The following CNTNAP5 variants were observed in gnomAD, a reference collection of about 807,000 sequenced individuals.
CNTNAP5 encodes the protein contactin-associated protein-like 5.
In CNTNAP5, 72 loss-of-function variants were observed where a neutral mutation model predicts 150.2. The ratio of observed to expected loss-of-function variants is 0.48; its 90% CI spans 0.40 to 0.58. The LOEUF (loss-of-function observed/expected upper bound fraction) is 0.58, where lower values mean the gene tolerates loss of function less well. Among genes scored for constraint, CNTNAP5 ranks in the 20% least tolerant of loss-of-function variants. The pLI is 0.00. For synonymous variants in CNTNAP5, 672 were observed against 619.8 expected (o/e 1.08, Z -1.25); for missense variants, 1,636 against 1,626.2 (o/e 1.01, Z -0.10).
chr2:124,739,970 T>C (rs2105136671), intron 13 of CNTNAP5, among the ~76,000 whole-genome samples: 1 of 152,010 alleles, frequency 6.6e-6, no homozygotes, highest in African/African-American at 2.4e-5. Flanking sequence ...AAAAGTTCAT[T>C]AAAGTTTATA....
chr2:124,040,192 G>T (rs1022811783), intron 1 of CNTNAP5, among the ~76,000 whole-genome samples: 1 of 152,092 alleles, frequency 6.6e-6, no homozygotes, highest in Non-Finnish European at 1.5e-5. Flanking sequence ...ATTTACTGTG[G>T]TTATTTTTAT....
In CNTNAP5 at chr2:124,798,252, C is replaced by T. The variant is rs1013744165; in HGVS notation, c.3149C>T (p.Ala1050Val). Reference sequence around the variant, plus strand: ...GCACTTAGCTTTGTGACAACCCAGGCACCCAGTCTTTTGCTCTTTATCAAT... The same window carrying T: ...GCACTTAGCTTTGTGACAACCCAGGTACCCAGTCTTTTGCTCTTTATCAAT... Reference protein sequence around the residue: ...NIALSFVTTQAPSLLLFINSS... With the variant: ...NIALSFVTTQVPSLLLFINSS... Residue 1050 changes from alanine (A) to valine (V), a missense_variant, in exon 19 of 24, where the codon GCA (alanine) becomes GTA (valine). Physicochemically the swap from Ala to Val is moderately conservative, Grantham distance 64. Transcript: ENST00000682447. 6.2e-7 allele frequency: 1 copy of T among 1,613,944 alleles called. No individual in the cohort carries two copies. The highest frequency in any genetic ancestry group is 8.5e-7 in the Non-Finnish European group (1 of 1,179,818).
intron 6 of CNTNAP5, among the ~76,000 whole-genome samples, chr2:124,453,981 A>T (rs1168879367): frequency 6.6e-6 from 1 of 152,186 alleles, no homozygotes; most frequent in Non-Finnish European, 1.5e-5. Flanking sequence ...TACAATTGAA[A>T]AAACAAAAAC....
chr2:124,033,245 GA>G (rs1681113436), intron 1 of CNTNAP5, among the ~76,000 whole-genome samples: 2 of 152,196 alleles, frequency 1.3e-5, no homozygotes, highest in South Asian at 4.1e-4. Flanking sequence ...GAAAGAAAGT[GA>G]AGGGAAATGC....
In CNTNAP5 at chr2:124,565,894, C is replaced by T. The variant is rs1291846366; in HGVS notation, c.1756+2571C>T. Among the ~76,000 whole-genome samples, 6 of 151,336 alleles carry T rather than the reference C, an allele frequency of 4.0e-5. No homozygotes were observed. In the South Asian group the frequency reaches 6.2e-4, roughly 16 times the overall value. On this transcript the variant is annotated intron_variant, in intron 11 of 23. Transcript: ENST00000682447. ...GATTACAGGCGTGAGCCACCACGCC[C>T]GGCCTTTACCTAGTTCTTCTATGTG... is the stretch of plus-strand genomic sequence containing the variant.
chr2:124,817,518 G>T (rs1302385533), intron 19 of CNTNAP5, among the ~76,000 whole-genome samples: 2 of 152,064 alleles, frequency 1.3e-5, no homozygotes, highest in Admixed American at 6.6e-5. Flanking sequence ...CCATGAGGTT[G>T]GTCTTGATGA....
chr2:124,426,998 C>A (rs1401921969), intron 4 of CNTNAP5, among the ~76,000 whole-genome samples: 1 of 152,024 alleles, frequency 6.6e-6, no homozygotes, highest in Non-Finnish European at 1.5e-5. Flanking sequence ...AGAAGACTGC[C>A]AATGTATCAG....
At chr2:124,149,895 C>T (rs1254996704) in intron 1 of CNTNAP5, among the ~76,000 whole-genome samples, 1 of 152,220 alleles carries the variant, frequency 6.6e-6, no homozygotes, top group Non-Finnish European at 1.5e-5. Flanking sequence ...CCCTCTCAGA[C>T]CATTCCTGAT....
At chr2:124,424,120 G>T (rs190075057) in intron 4 of CNTNAP5, among the ~76,000 whole-genome samples, 49 of 152,230 alleles carry the variant, frequency 3.2e-4, no homozygotes, top group Admixed American at 2.6e-3. Flanking sequence ...ACTCGCAAGT[G>T]GTATCATCCA....
chr2:124,058,957 C>T (rs1045426892), intron 1 of CNTNAP5, among the ~76,000 whole-genome samples: 1 of 152,132 alleles, frequency 6.6e-6, no homozygotes, highest in Non-Finnish European at 1.5e-5. Context: ...TTAAAGTAAG[C>T]TATTGTATCA....
intron 4 of CNTNAP5, among the ~76,000 whole-genome samples, chr2:124,429,240 A>G (rs1298178350): frequency 2.0e-5 from 3 of 152,102 alleles, no homozygotes; most frequent in African/African-American, 7.2e-5. Flanking sequence ...CTTGAAACTC[A>G]TCCTGTTTTT....
chr2:124,509,425 C>T (rs1694501485), intron 8 of CNTNAP5, among the ~76,000 whole-genome samples: 1 of 152,012 alleles, frequency 6.6e-6, no homozygotes, highest in African/African-American at 2.4e-5. Flanking sequence ...AGGTAGAAGA[C>T]CTCATTTCAC....
At chr2:124,414,193 T>G (rs1303668202) in intron 3 of CNTNAP5, among the ~76,000 whole-genome samples, 2 of 151,788 alleles carry the variant, frequency 1.3e-5, no homozygotes, top group African/African-American at 4.8e-5. Context: ...ACAACTGAGA[T>G]GGCTTTGAAT....
At chr2:124,100,864 C>CAAAAAAAAAAA (rs60441145) in intron 1 of CNTNAP5, among the ~76,000 whole-genome samples, 1 of 88,046 alleles carries the variant, frequency 1.1e-5, no homozygotes, top group Admixed American at 1.3e-4. Context: ...GACTCTGTCT[C>CAAAAAAAAAAA]AAAAAAAAAA....
At chr2:124,515,356 A>G (rs1344298434) in intron 8 of CNTNAP5, among the ~76,000 whole-genome samples, 1 of 152,210 alleles carries the variant, frequency 6.6e-6, no homozygotes. Context: ...GGAAGAGGAG[A>G]CTAACATGGA....
chr2:124,347,008 A>G (rs770241296), intron 3 of CNTNAP5, among the ~76,000 whole-genome samples: 10 of 151,898 alleles, frequency 6.6e-5, no homozygotes, highest in Middle Eastern at 3.4e-3. Context: ...AGAACCCTTG[A>G]ACCCCAGAGG....
At chr2:124,129,235 C>G (rs1279698611) in intron 1 of CNTNAP5, among the ~76,000 whole-genome samples, 2 of 151,974 alleles carry the variant, frequency 1.3e-5, no homozygotes, top group Non-Finnish European at 1.5e-5. Flanking sequence ...AAGTTATAAG[C>G]ATATTACTTA....
chr2:124,294,227 C>T (rs372139385), intron 3 of CNTNAP5, among the ~76,000 whole-genome samples: 2 of 79,330 alleles, frequency 2.5e-5, no homozygotes, highest in South Asian at 5.7e-4. Flanking sequence ...TTGTTTTCTG[C>T]GTACTAGACA....
At chr2:124,099,059 T>G (rs774262798) in intron 1 of CNTNAP5, among the ~76,000 whole-genome samples, 3 of 152,200 alleles carry the variant, frequency 2.0e-5, no homozygotes, top group Non-Finnish European at 4.4e-5. Flanking sequence ...AGGACCTTCG[T>G]AACACAAGAT....
Sources: allele counts gnomAD v4.1 joint callset (sites outside exome capture counted in the v4.1 genomes callset), GRCh38; gene constraint gnomAD v4.1.1; transcripts MANE v1.5; gene names NCBI Gene and HGNC (gene_info 2026-07-23, HGNC 2026-07-21).